The following SNCAIP variants were observed in gnomAD, a reference collection of about 807,000 sequenced individuals.
SNCAIP encodes the protein synphilin-1.
In SNCAIP, 43 loss-of-function variants were observed where a neutral mutation model predicts 86.7. The observed-to-expected ratio is 0.50, with a 90% CI of 0.39 to 0.64. SNCAIP has a LOEUF of 0.64. Ranked by LOEUF, SNCAIP falls within the 30% of genes least tolerant of loss-of-function variation. SNCAIP has a pLI of 0.00. For missense variants in SNCAIP, 981 were observed against 1,103.1 expected (o/e 0.89, Z 1.57); for synonymous variants, 417 against 427.2 (o/e 0.98, Z 0.29).
chr5:122,346,660 G>A (rs927233764), intron 1 of SNCAIP, among the ~76,000 whole-genome samples: 3 of 152,126 alleles, frequency 2.0e-5, no homozygotes, highest in Middle Eastern at 3.4e-3. Flanking sequence ...TAAAATTAGG[G>A]ATAAGCTAGA....
At chr5:122,326,671 A>G (rs1264445933) in intron 1 of SNCAIP, among the ~76,000 whole-genome samples, 1 of 117,780 alleles carries the variant, frequency 8.5e-6, no homozygotes, top group Admixed American at 1.1e-4. Context: ...AGGAATAGCA[A>G]TTTGCAAGGT....
At chr5:122,397,089 A>G (rs1342898051) in intron 2 of SNCAIP, among the ~76,000 whole-genome samples, 1 of 152,186 alleles carries the variant, frequency 6.6e-6, no homozygotes, top group Non-Finnish European at 1.5e-5. Flanking sequence ...ATGAAGGTAC[A>G]GTCAGAACCT....
intron 1 of SNCAIP, among the ~76,000 whole-genome samples, chr5:122,383,057 T>C (rs887067068): frequency 4.6e-5 from 7 of 152,200 alleles, no homozygotes; most frequent in South Asian, 4.1e-4. Flanking sequence ...CCTTGAGCTG[T>C]GGTGGGCTCC....
At chr5:122,331,605 A>G (rs1755351197) in intron 1 of SNCAIP, among the ~76,000 whole-genome samples, 1 of 152,204 alleles carries the variant, frequency 6.6e-6, no homozygotes. Context: ...GAGGCTGGGA[A>G]GTCCAAGATC....
intron 3 of SNCAIP, among the ~76,000 whole-genome samples, chr5:122,408,160 A>G (rs916554938): frequency 1.3e-5 from 2 of 152,146 alleles, no homozygotes; most frequent in Non-Finnish European, 2.9e-5. Flanking sequence ...ATCCCTCTTA[A>G]AGTGGAGTGC....
chr5:122,441,558 G>T (rs1780927119), intron 7 of SNCAIP, among the ~76,000 whole-genome samples: 1 of 152,180 alleles, frequency 6.6e-6, no homozygotes, highest in Non-Finnish European at 1.5e-5. Flanking sequence ...GGGTTCCTAT[G>T]AGAAGAAGAG....
rs1413804200 is a variant in SNCAIP at position 122,368,841 on chromosome 5, C to A, written c.-46-22248C>A. On this transcript the variant is annotated intron_variant, in intron 1 of 10. Coordinates refer to ENST00000261368, the MANE Select transcript of SNCAIP (RefSeq NM_005460.4). ...TTGGGGTTAGGGGTTTTTAGTCCTA[C>A]CCTGGCTGGTCACAAAATCACTGCC... Among the ~76,000 whole-genome samples, 4 of 152,172 alleles carry A rather than the reference C, an allele frequency of 2.6e-5. 1 individual carries two copies. The highest frequency in any genetic ancestry group is 4.4e-5 in the Non-Finnish European group (3 of 68,036).
chr5:122,321,688 C>T (rs902379706), intron 1 of SNCAIP: 40 of 152,164 alleles, frequency 2.6e-4, no homozygotes, highest in African/African-American at 9.7e-4. Flanking sequence ...TGGAGGCTTA[C>T]CTGTCCAACC....
At chr5:122,322,372 A>T (rs1753123716) in intron 1 of SNCAIP, among the ~76,000 whole-genome samples, 1 of 152,222 alleles carries the variant, frequency 6.6e-6, no homozygotes, top group Non-Finnish European at 1.5e-5. Flanking sequence ...TATTCAAATA[A>T]ATTCAAAGTT....
At chr5:122,324,270 A>G (rs1470355841) in intron 1 of SNCAIP, among the ~76,000 whole-genome samples, 1 of 152,202 alleles carries the variant, frequency 6.6e-6, no homozygotes, top group Non-Finnish European at 1.5e-5. Flanking sequence ...TATATCCTAC[A>G]TCCAAGCTTA....
chr5:122,441,945 T>C (rs539636684), intron 7 of SNCAIP, among the ~76,000 whole-genome samples: 4 of 152,216 alleles, frequency 2.6e-5, no homozygotes, highest in South Asian at 2.1e-4. Flanking sequence ...CCGACATATA[T>C]GGATTTATTC....
At position 122,450,749 on chromosome 5, in the gene SNCAIP, C is replaced by G. The variant is rs757028940; in HGVS notation, c.1902C>G (p.Thr634=). The G allele has an allele frequency of 7.4e-6, 12 of 1,613,924 alleles. No homozygotes were observed. In the South Asian group the frequency reaches 1.1e-4, roughly 15 times the overall value. ...AGGAAATCTCAGAAAATGTCTGCAC[C>G]CAGGAAAAACTGTCCTTGGAATTCC... ...LGKEISENVC[T]QEKLSLEFQD... is the part of the protein sequence containing the mutation. The change falls in exon 10 of 11, where the codon ACC becomes ACG. Residue 634 remains threonine, a synonymous_variant. Transcript: ENST00000261368.
At chr5:122,344,512 G>C (rs1680294652) in intron 1 of SNCAIP, among the ~76,000 whole-genome samples, 1 of 152,120 alleles carries the variant, frequency 6.6e-6, no homozygotes, top group Non-Finnish European at 1.5e-5. Flanking sequence ...AGAGAGGAGA[G>C]GGCTTTGAGC....
intron 1 of SNCAIP, among the ~76,000 whole-genome samples, chr5:122,336,188 GAGAA>G (rs1445384848): frequency 1.3e-5 from 2 of 152,232 alleles, no homozygotes; most frequent in African/African-American, 4.8e-5. Flanking sequence ...GAGAGAGAGA[GAGAA>G]AGAGAGAGAG....
chr5:122,445,523 C>A (rs1315680543), intron 8 of SNCAIP, among the ~76,000 whole-genome samples: 1 of 152,020 alleles, frequency 6.6e-6, no homozygotes, highest in Non-Finnish European at 1.5e-5. Flanking sequence ...CCATTAAATA[C>A]AGTTTCCAGA....
intron 5 of SNCAIP, among the ~76,000 whole-genome samples, chr5:122,427,547 A>T (rs1254494164): frequency 6.6e-6 from 1 of 152,160 alleles, no homozygotes. Context: ...TTTTATAACA[A>T]GTGCTTCCCT....
chr5:122,425,353 C>T lies in SNCAIP; in HGVS notation c.1004C>T (p.Pro335Leu), dbSNP rs770283070. 5.6e-5 allele frequency: 91 copies of T among 1,612,166 alleles called. No individual in the cohort carries two copies. In the East Asian group the frequency reaches 2.0e-3, roughly 35 times the overall value. ...TTTCTAATCTTACTATTTATACAGC[C>T]ACACCTAGCTGCAGACAATCTAGAC... ...IVKEGQISLL[P>L]HLAADNLDKI... Residue 335 changes from proline (P) to leucine (L), a missense_variant and splice_region_variant, in exon 5 of 11, where the codon CCA (proline) becomes CTA (leucine). Physicochemically the swap from Pro to Leu is moderately conservative, Grantham distance 98. Transcript: ENST00000261368.
intron 2 of SNCAIP, among the ~76,000 whole-genome samples, chr5:122,403,547 C>A (rs1178213035): frequency 1.3e-5 from 2 of 152,026 alleles, no homozygotes; most frequent in Non-Finnish European, 2.9e-5. Context: ...CTACACCCCA[C>A]CTTTTTTTGT....
At chr5:122,322,952 C>T (rs547352092) in intron 1 of SNCAIP, among the ~76,000 whole-genome samples, 1 of 152,282 alleles carries the variant, frequency 6.6e-6, no homozygotes, top group East Asian at 1.9e-4. Context: ...TCAAAGATGA[C>T]AGCTCTGGTG....
Sources: gnomAD v4.1 joint callset for allele counts (sites outside exome capture counted in the v4.1 genomes callset) on GRCh38, gnomAD v4.1.1 for gene constraint, MANE v1.5 for transcripts, NCBI Gene and HGNC (gene_info 2026-07-23, HGNC 2026-07-21) for gene names.